The following COPS4 variants were observed in gnomAD, a reference collection of about 807,000 sequenced individuals.
COPS4 encodes the protein COP9 signalosome complex subunit 4.
In COPS4, 8 loss-of-function variants were observed where a neutral mutation model predicts 55.1. That is an observed-to-expected ratio of 0.15 (90% CI 0.09 to 0.26). The LOEUF is 0.26. Among genes scored for constraint, COPS4 ranks in the 10% least tolerant of loss-of-function variants. The pLI is 1.00. For synonymous variants in COPS4, 185 were observed against 165.7 expected (o/e 1.12, Z -0.90); for missense variants, 248 against 484.0 (o/e 0.51, Z 4.58).
chr4:83,064,887 T>A, intron 7 of COPS4, among the ~76,000 whole-genome samples: 2 of 138,762 alleles, frequency 1.4e-5, no homozygotes, highest in Non-Finnish European at 3.1e-5. Flanking sequence ...TTTTTTTTTT[T>A]TTTTTTTTTT....
At chr4:83,071,065 C>T (rs1731417912) in intron 9 of COPS4, among the ~76,000 whole-genome samples, 1 of 152,124 alleles carries the variant, frequency 6.6e-6, no homozygotes, top group Non-Finnish European at 1.5e-5. Context: ...CCTGACTTTC[C>T]AGATTAGATA....
chr4:83,060,242 GGC>G (rs965988335), intron 6 of COPS4, among the ~76,000 whole-genome samples: 4 of 148,096 alleles, frequency 2.7e-5, no homozygotes, highest in African/African-American at 1.0e-4. Context: ...GGAGTGCAGT[GGC>G]ACTATCTCGG....
chr4:83,074,655 T>A (rs1217790818), intron 9 of COPS4, among the ~76,000 whole-genome samples: 3 of 151,116 alleles, frequency 2.0e-5, no homozygotes, highest in African/African-American at 7.3e-5. Flanking sequence ...TTTTCTTTTT[T>A]TTTTTTTAAT....
intron 8 of COPS4, among the ~76,000 whole-genome samples, chr4:83,066,991 A>G (rs184792033): frequency 7.9e-5 from 12 of 152,336 alleles, no homozygotes; most frequent in East Asian, 7.7e-4. Context: ...GCTAATTTAT[A>G]AACCTTAAAA....
rs766481428 is a variant in COPS4 at position 83,035,256 on chromosome 4, A to G, written c.32A>G (p.Gln11Arg). Residue 11 changes from glutamine to arginine, a missense_variant, in exon 1 of 10, where the codon CAG becomes CGG. Gln to Arg is a conservative substitution (Grantham distance 43). Coordinates refer to ENST00000264389, the MANE Select transcript of COPS4 (RefSeq NM_016129.3). Reference sequence around the variant, plus strand: ...GCAGCCGTGCGACAGGATTTGGCCCAGCTCATGAATTCGAGCGGCTCTCAT... The same window carrying G: ...GCAGCCGTGCGACAGGATTTGGCCCGGCTCATGAATTCGAGCGGCTCTCAT... MAAAVRQDLAQLMNSSGSHKD... is the reference protein window; with the variant it reads MAAAVRQDLARLMNSSGSHKD... 2 of 1,574,006 alleles carry G rather than the reference A, an allele frequency of 1.3e-6. No homozygotes were observed. The highest frequency in any genetic ancestry group is 2.3e-5 in the East Asian group (1 of 42,670).
rs367806166 is a variant in COPS4 at position 83,035,193 on chromosome 4, G to T, written c.-32G>T. 9 of 1,527,770 alleles carry T rather than the reference G, an allele frequency of 5.9e-6. No individual in the cohort carries two copies. The highest frequency in any genetic ancestry group is 2.7e-5 in the African/African-American group (2 of 72,834). The allele number at this position is 1,527,770 out of a possible 1,614,324, so 94.6% of individuals were successfully genotyped here. Reference sequence around the variant, plus strand: ...CTCGTTTTCTTTTTGGCTGCCAGAGGCCCCCGCATCCACCGCTGAGCTGGG... The same window carrying T: ...CTCGTTTTCTTTTTGGCTGCCAGAGTCCCCCGCATCCACCGCTGAGCTGGG... On this transcript the variant is annotated 5_prime_UTR_variant, in exon 1 of 10. Coordinates refer to ENST00000264389, the MANE Select transcript of COPS4 (RefSeq NM_016129.3).
chr4:83,064,869 CTTTTTTTTTTTTTTT>C (rs140166684), intron 7 of COPS4, among the ~76,000 whole-genome samples: 17 of 73,630 alleles, frequency 2.3e-4, no homozygotes, highest in South Asian at 7.4e-4. Flanking sequence ...TAAGCAGTCC[CTTTTTTTTTTTTTTT>C]TTTTTTTTTT....
chr4:83,041,282 T>C (rs4693068), intron 1 of COPS4, among the ~76,000 whole-genome samples: 151,214 of 151,904 alleles, frequency 1, 75,263 homozygotes, highest in Middle Eastern at 1. Context: ...AGGCTGGTCT[T>C]GAACTCCTGA....
At chr4:83,062,085 C>T (rs957737338) in intron 6 of COPS4, among the ~76,000 whole-genome samples, 4 of 151,928 alleles carry the variant, frequency 2.6e-5, no homozygotes, top group East Asian at 1.9e-4. Flanking sequence ...GAAAGAAAAC[C>T]GTTGTTGATA....
intron 7 of COPS4, among the ~76,000 whole-genome samples, chr4:83,064,900 T>A (rs900555859): frequency 3.9e-5 from 4 of 103,892 alleles, no homozygotes; most frequent in South Asian, 3.3e-4. Context: ...TTTTTTTTTT[T>A]ACTTTTTGAG....
rs181663248 is a variant in COPS4 at position 83,044,401 on chromosome 4, C to T, written c.75-1225C>T. Among the ~76,000 whole-genome samples, 28 of 141,542 alleles carry T rather than the reference C, an allele frequency of 2.0e-4. No homozygotes were observed. In the East Asian group the frequency reaches 2.3e-3, roughly 12 times the overall value. 92.9% of individuals were successfully genotyped at this position (141,542 alleles called of 152,430 possible). ...CGGAGGTTGCAGTGAGCCGAGATTG[C>T]GCCAGTGCACTCCAGCCTGGGTGAC... On this transcript the variant is annotated intron_variant, in intron 1 of 9. Coordinates refer to ENST00000264389, the MANE Select transcript of COPS4 (RefSeq NM_016129.3).
At chr4:83,047,091 A>G (rs1320281270) in intron 2 of COPS4, among the ~76,000 whole-genome samples, 2 of 152,240 alleles carry the variant, frequency 1.3e-5, no homozygotes. Context: ...ATACTGCCTT[A>G]AAAAGTTACT....
Position 83,075,787 on chromosome 4 carries a change from G to A in COPS4, c.*357G>A. The stretch of plus-strand genomic sequence containing the variant: ...GTTATTCTAATAAATGGAGAAATGA[G>A]CCAAATAAAAGTAGTACTTTGTTTT... On this transcript the variant is annotated 3_prime_UTR_variant, in exon 10 of 10. Transcript: ENST00000264389. 1 of 172,482 alleles carries A rather than the reference G, an allele frequency of 5.8e-6. No individual in the cohort carries two copies. The highest frequency in any genetic ancestry group is 1.2e-5 in the Non-Finnish European group (1 of 81,346). The allele number at this position is 172,482 out of a possible 1,614,324, so 10.7% of individuals were successfully genotyped here. A position where few individuals can be genotyped will look rare whatever the true frequency, so the allele number is the denominator to read the frequency against.
intron 1 of COPS4, among the ~76,000 whole-genome samples, chr4:83,037,194 C>T (rs955458805): frequency 6.6e-6 from 1 of 152,174 alleles, no homozygotes; most frequent in African/African-American, 2.4e-5. Flanking sequence ...TTAGCTTGGG[C>T]TTTCTTAGGT....
intron 9 of COPS4, among the ~76,000 whole-genome samples, chr4:83,074,771 G>C (rs2126136047): frequency 6.6e-6 from 1 of 151,286 alleles, no homozygotes; most frequent in South Asian, 2.1e-4. Context: ...CTCCCAAAAT[G>C]CTGGGGTTAC....
At chr4:83,052,704 A>G (rs1258064142) in intron 4 of COPS4, among the ~76,000 whole-genome samples, 1 of 152,128 alleles carries the variant, frequency 6.6e-6, no homozygotes, top group Non-Finnish European at 1.5e-5. Flanking sequence ...TCCGTCTCCT[A>G]GCATCCCAAG....
At chr4:83,050,210 G>T (rs185185560) in intron 4 of COPS4, among the ~76,000 whole-genome samples, 3 of 152,294 alleles carry the variant, frequency 2.0e-5, no homozygotes, top group Admixed American at 6.5e-5. Flanking sequence ...TGGCCCTGAT[G>T]TCACTTTATC....
In COPS4 at chr4:83,075,440, G is replaced by A. The variant is rs1251594512; in HGVS notation, c.*10G>A. The A allele has an allele frequency of 4.3e-6, 7 of 1,613,682 alleles. No individual in the cohort carries two copies. The East Asian group carries it at 6.7e-5, about 15-fold the overall frequency. ...CCAGATGGCTCAGTGAATCCTTGCA[G>A]AACTTCTGTGCACATGACATCTTTT... On this transcript the variant is annotated 3_prime_UTR_variant, in exon 10 of 10. Transcript: ENST00000264389.
At position 83,049,158 on chromosome 4, in the gene COPS4, T is replaced by C; in HGVS notation, c.155-8T>C. Reference sequence around the variant, plus strand: ...TGTTTTCTTATCTTTTTTTTTTTTTTAAACAAGTGGTAAATGAGAATGTCA... The same window carrying C: ...TGTTTTCTTATCTTTTTTTTTTTTTCAAACAAGTGGTAAATGAGAATGTCA... On this transcript the variant is annotated splice_region_variant and splice_polypyrimidine_tract_variant and intron_variant, in intron 2 of 9. Coordinates refer to ENST00000264389, the MANE Select transcript of COPS4 (RefSeq NM_016129.3). 1.3e-6 allele frequency: 2 copies of C among 1,571,404 alleles called. No homozygotes were observed. The highest frequency in any genetic ancestry group is 8.6e-7 in the Non-Finnish European group (1 of 1,164,840).
Sources: allele counts gnomAD v4.1 joint callset (sites outside exome capture counted in the v4.1 genomes callset), GRCh38; gene constraint gnomAD v4.1.1; transcripts MANE v1.5; gene names NCBI Gene and HGNC (gene_info 2026-07-23, HGNC 2026-07-21).